BOLL: variants seen among roughly 807,000 people sequenced by gnomAD.
The protein encoded by BOLL is boule RNA binding protein.
BOLL carries 23 observed loss-of-function variants against 44.4 expected under a neutral mutation model. The ratio of observed to expected loss-of-function variants is 0.52; its 90% CI spans 0.37 to 0.73. BOLL has a LOEUF of 0.73. Ranked by LOEUF, BOLL falls within the 30% of genes least tolerant of loss-of-function variation. The pLI, the probability that BOLL is intolerant of heterozygous loss-of-function variation, is 0.00. For missense variants in BOLL, 287 were observed against 338.3 expected (o/e 0.85, Z 1.19); for synonymous variants, 97 against 110.8 (o/e 0.88, Z 0.78).
At chr2:197,782,872 C>T (rs184169266) in intron 1 of BOLL, among the ~76,000 whole-genome samples, 35 of 152,068 alleles carry the variant, frequency 2.3e-4, no homozygotes, top group Non-Finnish European at 3.4e-4. Context: ...AATGTTTATT[C>T]CAAAGAATTA....
intron 4 of BOLL, 145 bp from the exon 5 acceptor site, chr2:197,775,885 C>T (rs1049194769): frequency 3.3e-5 from 15 of 452,904 alleles, no homozygotes; most frequent in Non-Finnish European, 4.5e-5. Context: ...AAAGAGCCGT[C>T]TTCAGACTGA....
intron 10 of BOLL, among the ~76,000 whole-genome samples, chr2:197,736,547 A>G (rs1230330166): frequency 6.6e-6 from 1 of 152,136 alleles, no homozygotes; most frequent in African/African-American, 2.4e-5. Context: ...AGTTGAGTGA[A>G]GAGATACATG....
chr2:197,728,510 T>A lies in BOLL; in HGVS notation c.*45A>T. Reference sequence around the variant, plus strand: ...CTGGATCTCGGCCACGCAAGGATCATTGGACAAGAAATCAGTTGAGCTGGA... The same window carrying A: ...CTGGATCTCGGCCACGCAAGGATCAATGGACAAGAAATCAGTTGAGCTGGA... On this transcript the variant is annotated 3_prime_UTR_variant, in exon 11 of 11. Transcript: ENST00000392296. 6.2e-7 allele frequency: 1 copy of A among 1,614,150 alleles called. No individual in the cohort carries two copies. Among genetic ancestry groups the A allele is most frequent in the East Asian group, 2.2e-5 (1 of 44,878 alleles).
At chr2:197,729,283 A>G (rs1393005784) in intron 10 of BOLL, among the ~76,000 whole-genome samples, 1 of 152,184 alleles carries the variant, frequency 6.6e-6, no homozygotes, top group Non-Finnish European at 1.5e-5. Context: ...GCACCACGAG[A>G]TTATATCTCG....
rs544131846 is a variant in BOLL at position 197,769,739 on chromosome 2, G to T, written c.480+2116C>A. Among the ~76,000 whole-genome samples the T allele has an allele frequency of 6.3e-3, 951 of 151,866 alleles. 16 individuals carry two copies. The highest frequency in any genetic ancestry group is 0.022 in the African/African-American group (891 of 41,284). ...ACAGAGAGCCAAACCATGGGTGAAC[G>T]CCCATTCACAATTGCTTCAAAGAGA... On this transcript the variant is annotated intron_variant, in intron 6 of 10. Transcript: ENST00000392296.
At chr2:197,776,397 A>G (rs1409914532) in intron 4 of BOLL, among the ~76,000 whole-genome samples, 3 of 151,932 alleles carry the variant, frequency 2.0e-5, no homozygotes, top group African/African-American at 4.8e-5. Flanking sequence ...GATGCCTTTA[A>G]ATGGAAAACC....
At chr2:197,734,524 G>T (rs1205737660) in intron 10 of BOLL, among the ~76,000 whole-genome samples, 2 of 152,106 alleles carry the variant, frequency 1.3e-5, no homozygotes, top group African/African-American at 4.8e-5. Context: ...GTTTATCACG[G>T]CACTATTCAC....
intron 7 of BOLL, among the ~76,000 whole-genome samples, chr2:197,760,672 G>A (rs772592454): frequency 2.6e-5 from 4 of 152,008 alleles, no homozygotes; most frequent in African/African-American, 4.8e-5. Context: ...AGGTCACTGA[G>A]AAACTTGGAA....
upstream of BOLL, chr2:197,786,060 C>A: frequency 1.3e-6 from 2 of 1,593,080 alleles, no homozygotes; most frequent in South Asian, 1.1e-5. This position sits in a 1 kb window ranked among gnomAD's most constrained non-coding sequence, Gnocchi z 5.9. Flanking sequence ...AAGTTTGAAA[C>A]CACCTTCACG....
At chr2:197,775,787 T>C (rs1689483877) in intron 4 of BOLL, 47 bp from the exon 5 acceptor site, 1 of 1,168,344 alleles carries the variant, frequency 8.6e-7, no homozygotes, top group South Asian at 1.6e-5. Context: ...AGCACTATTA[T>C]TTATAAAATC....
intron 6 of BOLL, among the ~76,000 whole-genome samples, chr2:197,769,357 C>T (rs1689133599): frequency 1.3e-5 from 2 of 152,000 alleles, no homozygotes; most frequent in Non-Finnish European, 2.9e-5. Context: ...TTGGCCTATT[C>T]AGAGATTCAA....
chr2:197,753,635 A>T (rs185819182), intron 9 of BOLL, among the ~76,000 whole-genome samples: 197 of 152,342 alleles, frequency 1.3e-3, no homozygotes, highest in African/African-American at 4.5e-3. Flanking sequence ...GTCAGGAAAC[A>T]ACAGATGCTG....
Position 197,777,164 on chromosome 2 carries a change from T to C in BOLL, c.222-51A>G, listed in dbSNP as rs1429765464. ...AATTAATCATTTTCTTAGAATGTTA[T>C]ATTAATTATATTAAAATGTTTAAAA... On this transcript the variant is annotated intron_variant, in intron 3 of 10. Coordinates refer to ENST00000392296, the MANE Select transcript of BOLL (RefSeq NM_033030.6). The C allele has an allele frequency of 5.0e-6, 6 of 1,206,264 alleles. No individual in the cohort carries two copies. In the Admixed American group the frequency reaches 1.0e-4, roughly 20 times the overall value. The allele number at this position is 1,206,264 out of a possible 1,614,324, so 74.7% of individuals were successfully genotyped here. A position where few individuals can be genotyped will look rare whatever the true frequency, so the allele number is the denominator to read the frequency against.
chr2:197,736,494 A>G (rs1411046696), intron 10 of BOLL, among the ~76,000 whole-genome samples: 2 of 152,192 alleles, frequency 1.3e-5, no homozygotes, highest in Admixed American at 6.6e-5. Flanking sequence ...TATGAATGCT[A>G]ATTTCTTCGT....
At chr2:197,762,567 A>G (rs1688809376) in intron 7 of BOLL, among the ~76,000 whole-genome samples, 2 of 152,218 alleles carry the variant, frequency 1.3e-5, no homozygotes, top group Admixed American at 6.5e-5. Flanking sequence ...TTATCTGACC[A>G]CAATGGAATA....
At chr2:197,773,973 C>A (rs1172219989) in intron 5 of BOLL, 1 of 434,400 alleles carries the variant, frequency 2.3e-6, no homozygotes, top group South Asian at 1.7e-5. Context: ...GATAAGAATC[C>A]CTTATTTGTA....
At chr2:197,749,064 G>T (rs984809487) in intron 9 of BOLL, among the ~76,000 whole-genome samples, 2 of 152,218 alleles carry the variant, frequency 1.3e-5, no homozygotes, top group East Asian at 1.9e-4. Flanking sequence ...TTGCTGTTCC[G>T]CAGCTTCCGC....
intron 7 of BOLL, among the ~76,000 whole-genome samples, chr2:197,764,581 C>A: frequency 6.6e-6 from 1 of 152,120 alleles, no homozygotes; most frequent in East Asian, 1.9e-4. Context: ...AATTCCAAGT[C>A]TTTTTCACTG....
At chr2:197,747,200 A>G (rs1319965839) in intron 9 of BOLL, among the ~76,000 whole-genome samples, 1 of 152,166 alleles carries the variant, frequency 6.6e-6, no homozygotes, top group African/African-American at 2.4e-5. Flanking sequence ...ATATCCAACC[A>G]TCATGCTATA....
Sources: allele counts gnomAD v4.1 joint callset (sites outside exome capture counted in the v4.1 genomes callset), GRCh38; gene constraint gnomAD v4.1.1; non-coding constraint Gnocchi (gnomAD v3.1); transcripts MANE v1.5; gene names NCBI Gene and HGNC (gene_info 2026-07-23, HGNC 2026-07-21).